ARVCF: variants seen among roughly 807,000 people sequenced by gnomAD.
The protein encoded by ARVCF is splicing regulator ARVCF.
In ARVCF, 66 loss-of-function variants were observed where a neutral mutation model predicts 90.9. The ratio of observed to expected loss-of-function variants is 0.73; its 90% CI spans 0.60 to 0.89. ARVCF has a LOEUF of 0.89. ARVCF is among the 40% of genes least tolerant of loss of function. The pLI, the probability that ARVCF is intolerant of heterozygous loss-of-function variation, is 0.00. For synonymous variants in ARVCF, 653 were observed against 603.4 expected, an observed-to-expected ratio of 1.08 and a Z score of -1.21; for missense variants, 1,469 against 1,382.3, an observed-to-expected ratio of 1.06 and a Z score of -1.00.
chr22:19,973,308 G>C lies in ARVCF; in HGVS notation c.2249C>G (p.Ala750Gly). 1.3e-6 allele frequency: 2 copies of C among 1,598,402 alleles called. No individual in the cohort carries two copies. The highest frequency in any genetic ancestry group is 1.7e-6 in the Non-Finnish European group (2 of 1,176,578). The change falls in exon 14 of 20, where the codon GCC becomes GGC. Residue 750 changes from alanine (A) to glycine (G), a missense_variant. Transcript: ENST00000263207. Reference sequence around the variant, plus strand: ...CACATTCCGCACAAGCTCAGCCATGGCGTAGCTCCCTGAGGGGCAGGACTA... The same window carrying C: ...CACATTCCGCACAAGCTCAGCCATGCCGTAGCTCCCTGAGGGGCAGGACTA... ...RRNKDLIGSY[A>G]MAELVRNVRN... is the part of the protein sequence containing the mutation.
At chr22:19,981,138 G>A in intron 5 of ARVCF, 73 bp downstream of exon 5, 1 of 1,441,530 alleles carries the variant, frequency 6.9e-7, no homozygotes, top group Non-Finnish European at 9.2e-7. Flanking sequence ...TGACAAGTGG[G>A]GCACTCTGTA....
At chr22:19,990,274 A>T (rs1005244223) in intron 3 of ARVCF, among the ~76,000 whole-genome samples, 1 of 152,194 alleles carries the variant, frequency 6.6e-6, no homozygotes, top group Non-Finnish European at 1.5e-5. Context: ...GGTGCAGGCA[A>T]ACCCCTAAAG....
At position 19,973,663 on chromosome 22, in the gene ARVCF, C is replaced by A; in HGVS notation, c.2219G>T (p.Arg740Leu). ...AIALRNLSLD[R>L]RNKDLIGSYA... ...CTCACCGATGAGGTCTTTGTTGCGC[C>A]GGTCCAGCGAGAGGTTGCGCAGAGC... Residue 740 changes from arginine (R) to leucine (L), a missense_variant, in exon 13 of 20, where the codon CGG (arginine) becomes CTG (leucine). Arg to Leu is a moderately radical substitution (Grantham distance 102). Transcript: ENST00000263207. 6.2e-7 allele frequency: 1 copy of A among 1,609,396 alleles called. No individual in the cohort carries two copies.
downstream of ARVCF, among the ~76,000 whole-genome samples, chr22:19,968,091 C>T (rs1942521377): frequency 6.6e-6 from 1 of 152,190 alleles, no homozygotes; most frequent in African/African-American, 2.4e-5. Flanking sequence ...CCCACCTCAG[C>T]CCTGCAGGGT....
chr22:19,972,086 G>A, intron 17 of ARVCF, 115 bp from the exon 18 acceptor site: 2 of 1,056,380 alleles, frequency 1.9e-6, no homozygotes, highest in Non-Finnish European at 2.7e-6. Context: ...TTGGGAGACA[G>A]CCCCCACCCA....
At chr22:19,979,364 GGGCCTCAC>G in intron 6 of ARVCF, 1 of 523,140 alleles carries the variant, frequency 1.9e-6, no homozygotes, top group Non-Finnish European at 3.4e-6. Context: ...TGAGGCCACA[GGGCCTCAC>G]AGAGACACGG....
In ARVCF at chr22:19,990,660, C is replaced by T; in HGVS notation, c.135G>A (p.Gln45=). 1 of 1,608,310 alleles carries T rather than the reference C, an allele frequency of 6.2e-7. No individual in the cohort carries two copies. Among genetic ancestry groups the T allele is most frequent in the South Asian group, 1.1e-5 (1 of 89,984 alleles). The change falls in exon 3 of 20, where the codon CAG becomes CAA. Residue 45 remains glutamine (Q), a synonymous_variant. Coordinates refer to ENST00000263207, the MANE Select transcript of ARVCF (RefSeq NM_001670.3). ...RHVALQLERA[Q]QPGMVSGGMG... ...TGCCACCACTGACCATGCCAGGCTG[C>T]TGGGCACGCTCCAGCTGTAGGGCAA...
At chr22:19,995,309 G>A (rs543586800) in intron 2 of ARVCF, among the ~76,000 whole-genome samples, 7 of 151,952 alleles carry the variant, frequency 4.6e-5, no homozygotes, top group Admixed American at 3.3e-4. Context: ...GTAGGAGGGT[G>A]GGCAGATGGG....
chr22:19,981,859 T>C, intron 4 of ARVCF, 74 bp downstream of exon 4: 1 of 1,575,302 alleles, frequency 6.3e-7, no homozygotes, highest in Non-Finnish European at 8.6e-7. Flanking sequence ...CAAGCTTCCA[T>C]GTCCACTCTG....
intron 8 of ARVCF, 84 bp downstream of exon 8, chr22:19,977,874 G>T (rs749738414): frequency 1.3e-5 from 19 of 1,443,474 alleles, no homozygotes; most frequent in Non-Finnish European, 1.8e-5. Context: ...ATTCCCCTGT[G>T]CTGCTCCCAC....
intron 18 of ARVCF, 40 bp downstream of exon 18, chr22:19,971,846 G>A (rs375713594): frequency 6.9e-6 from 11 of 1,600,690 alleles, no homozygotes; most frequent in Non-Finnish European, 9.4e-6. Flanking sequence ...TAGACACGGG[G>A]CCTCACCGGG....
At chr22:20,016,325 GCC>G (rs989772226) in intron 1 of ARVCF, among the ~76,000 whole-genome samples, 1 of 152,108 alleles carries the variant, frequency 6.6e-6, no homozygotes, top group African/African-American at 2.4e-5. Context: ...GTAGGGTAGG[GCC>G]CCAAGGCCAC....
Position 19,976,704 on chromosome 22 carries a change from A to G in ARVCF, c.1888+2T>C. 6.4e-7 allele frequency: 1 copy of G among 1,559,568 alleles called. No individual in the cohort carries two copies. The highest frequency in any genetic ancestry group is 8.7e-7 in the Non-Finnish European group (1 of 1,151,462). ...TGGAGAGCAGGATAAAAAGGGACTC[A>G]CCTTGGTGGAACCACTCCTCTGGGA... On this transcript the variant is annotated splice_donor_variant, in intron 10 of 19. Transcript: ENST00000263207. LOFTEE classifies it high-confidence loss of function.
In ARVCF at chr22:19,974,257, GCCAC is replaced by G; in HGVS notation, c.1961-22_1961-19del. 1 of 1,586,968 alleles carries G rather than the reference GCCAC, an allele frequency of 6.3e-7. No individual in the cohort carries two copies. Among genetic ancestry groups the G allele is most frequent in the Non-Finnish European group, 8.6e-7 (1 of 1,163,158 alleles). On this transcript the variant is annotated intron_variant, in intron 11 of 19. Transcript: ENST00000263207. ...CTCAAAGCCTAGGTGCAGGGCAACC[GCCAC>G]CCACGGTCACCCAGAATCTGCTCTC...
intron 19 of ARVCF, 55 bp downstream of exon 19, chr22:19,971,161 G>A (rs1942746952): frequency 1.9e-6 from 3 of 1,550,722 alleles, no homozygotes; most frequent in Admixed American, 2.0e-5. Flanking sequence ...CTAACAAGAA[G>A]CCCTGGCCCA....
intron 3 of ARVCF, among the ~76,000 whole-genome samples, chr22:19,988,014 G>A (rs2146365218): frequency 6.6e-6 from 1 of 152,304 alleles, no homozygotes. Flanking sequence ...TCACGAACAG[G>A]GAAACAGGTT....
rs910548294 is a variant in ARVCF at position 19,971,273 on chromosome 22, G to A, written c.2844C>T (p.Asp948=). The A allele has an allele frequency of 3.0e-5, 47 of 1,556,884 alleles. No individual in the cohort carries two copies. Among genetic ancestry groups the A allele is most frequent in the East Asian group, 4.8e-5 (2 of 41,680 alleles). Residue 948 remains aspartate, a synonymous_variant, in exon 19 of 20, where the codon GAC becomes GAT. Transcript: ENST00000263207. ...GPSRPAVRLV[D]AVGDAKPQPV... ...GCTGAGGCTTAGCGTCCCCTACGGC[G>A]TCCACCAGCCTGACCGCGGGCCTGC...
chr22:20,005,415 G>C (rs7288642), intron 2 of ARVCF, among the ~76,000 whole-genome samples: 8,463 of 150,400 alleles, frequency 0.056, 776 homozygotes, highest in African/African-American at 0.2. Flanking sequence ...GACAAATTAA[G>C]ACCCTTGTGC....
rs947326311 is a variant in ARVCF at position 20,012,086 on chromosome 22, C to CG, written c.-72-1579_-72-1578insC. Among the ~76,000 whole-genome samples the CG allele has an allele frequency of 3.0e-4, 38 of 127,202 alleles. No homozygotes were observed. In the East Asian group the frequency reaches 4.6e-3, roughly 15 times the overall value. 83.4% of individuals were successfully genotyped at this position (127,202 alleles called of 152,430 possible). The stretch of plus-strand genomic sequence containing the variant: ...CCTCCAGGCCTCCCAAAGTCCCCCC[C>CG]CCCCACCCAGTTGGGGAAGTGTGAC... On this transcript the variant is annotated intron_variant, in intron 1 of 19. Transcript: ENST00000263207.
Sources: gnomAD v4.1 joint callset for allele counts (sites outside exome capture counted in the v4.1 genomes callset) on GRCh38, gnomAD v4.1.1 for gene constraint, MANE v1.5 for transcripts, NCBI Gene and HGNC (gene_info 2026-07-23, HGNC 2026-07-21) for gene names.